Variants in HSPA4 observed in about 807,000 individuals in gnomAD.
HSPA4 encodes heat shock 70 kDa protein 4.
A neutral mutation model predicts 106.2 loss-of-function variants in HSPA4; 25 were observed. The observed-to-expected ratio is 0.24, with a 90% CI of 0.17 to 0.33. HSPA4 has a LOEUF of 0.33. Among genes scored for constraint, HSPA4 ranks in the 10% least tolerant of loss-of-function variants. The pLI is 1.00. For missense variants in HSPA4, 841 were observed against 996.0 expected (o/e 0.84, Z 2.10); for synonymous variants, 332 against 333.6 (o/e 1.00, Z 0.05).
chr5:133,058,924 T>C (rs995475034), intron 1 of HSPA4, among the ~76,000 whole-genome samples: 24 of 151,972 alleles, frequency 1.6e-4, no homozygotes, highest in African/African-American at 5.5e-4. Context: ...GGCCAGGAGT[T>C]TGAGACCAGC....
chr5:133,072,431 C>T (rs1159947556), intron 4 of HSPA4, among the ~76,000 whole-genome samples: 6 of 114,736 alleles, frequency 5.2e-5, no homozygotes, highest in African/African-American at 2.1e-4. Context: ...CTGAGTTTCG[C>T]TCTTGTTTCC....
intron 1 of HSPA4, chr5:133,052,662 A>C (rs1044533614): frequency 2.9e-6 from 1 of 341,022 alleles, no homozygotes; most frequent in Non-Finnish European, 5.4e-6. Context: ...CAGGCCTAGG[A>C]TGTAAACGGA....
At chr5:133,081,119 C>T (rs898168169) in intron 7 of HSPA4, among the ~76,000 whole-genome samples, 3 of 152,072 alleles carry the variant, frequency 2.0e-5, no homozygotes, top group Non-Finnish European at 4.4e-5. Context: ...ATGATCTTGG[C>T]TTGCTTCAAC....
chr5:133,060,672 TACTG>T (rs1223419458), intron 1 of HSPA4, among the ~76,000 whole-genome samples: 1 of 152,068 alleles, frequency 6.6e-6, no homozygotes, highest in East Asian at 1.9e-4. Flanking sequence ...CTGTTTTACA[TACTG>T]ACCCAATTCA....
chr5:133,058,562 C>T (rs1269396304), intron 1 of HSPA4, among the ~76,000 whole-genome samples: 1 of 151,874 alleles, frequency 6.6e-6, no homozygotes, highest in East Asian at 1.9e-4. Flanking sequence ...CCTGTAATCC[C>T]AGCTGAGGAT....
rs1165052957 is a variant in HSPA4, at chr5:133,076,686, A to G, written c.696A>G (p.Gly232=). 1 of 1,613,518 alleles carries G rather than the reference A, an allele frequency of 6.2e-7. No individual in the cohort carries two copies. The highest frequency in any genetic ancestry group is 1.7e-5 in the Admixed American group (1 of 60,010). Residue 232 remains glycine, a synonymous_variant, in exon 7 of 19, where the codon GGA becomes GGG. Transcript: ENST00000304858. ...CCACTGCATTTGACACGACATTGGG[A>G]GGTAGAAAATTTGATGAAGTGTTAG... ...VLATAFDTTL[G]GRKFDEVLVN... is the part of the protein sequence containing the mutation.
chr5:133,097,268 G>C lies in HSPA4; in HGVS notation c.1911G>C (p.Glu637Asp). The change falls in exon 15 of 19, where the codon GAG (glutamate) becomes GAC (aspartate). Residue 637 changes from glutamate to aspartate, a missense_variant. Around this residue, in one of 5 missense-constraint regions of HSPA4, gnomAD observed 328 missense variants for 372.2 expected, o/e 0.88. Transcript: ENST00000304858. ...GAGACAAGCTTAGTGGTGAATATGA[G>C]AAGTTTGTGAGTGAAGATGTAAGTC... ...EMRDKLSGEY[E>D]KFVSEDDRNS... The C allele has an allele frequency of 6.2e-7, 1 of 1,612,974 alleles. No homozygotes were observed. Among genetic ancestry groups the C allele is most frequent in the Non-Finnish European group, 8.5e-7 (1 of 1,179,222 alleles).
chr5:133,078,635 C>CAAAAA (rs57393822), intron 7 of HSPA4, among the ~76,000 whole-genome samples: 3 of 79,574 alleles, frequency 3.8e-5, no homozygotes, highest in South Asian at 4.9e-4. Context: ...ACACTGTCTC[C>CAAAAA]AAAAAAAAAA....
chr5:133,058,886 C>T (rs532719057), intron 1 of HSPA4, among the ~76,000 whole-genome samples: 35 of 149,694 alleles, frequency 2.3e-4, no homozygotes, highest in Non-Finnish European at 4.8e-4. Flanking sequence ...CCAGCACTTT[C>T]GAAGGCCGAG....
rs1765289709 is a variant in HSPA4 at position 133,064,963 on chromosome 5, C to G, written c.108-17C>G. The G allele has an allele frequency of 6.2e-7, 1 of 1,609,144 alleles. No individual in the cohort carries two copies. On this transcript the variant is annotated splice_polypyrimidine_tract_variant and intron_variant, in intron 1 of 18. Transcript: ENST00000304858. ...TGTAGTAAGATTTAATTCTTAAGTG[C>G]TTTTTTTGTCTTCTAGGGCTTGCAT...
chr5:133,097,286 T>C lies in HSPA4; in HGVS notation c.1929T>C (p.Asp643=). ...AATATGAGAAGTTTGTGAGTGAAGA[T>C]GTAAGTCTGCCACAATATGCCTAAC... ...SGEYEKFVSE[D]DRNSFTLKLE... Residue 643 remains aspartate (D), a splice_region_variant and synonymous_variant, in exon 15 of 19, where the codon GAT becomes GAC. Coordinates refer to ENST00000304858, the MANE Select transcript of HSPA4 (RefSeq NM_002154.4). 1 of 1,612,324 alleles carries C rather than the reference T, an allele frequency of 6.2e-7. No individual in the cohort carries two copies. The highest frequency in any genetic ancestry group is 8.5e-7 in the Non-Finnish European group (1 of 1,178,760).
At chr5:133,097,320 G>A in intron 15 of HSPA4, 34 bp downstream of exon 15, 2 of 1,593,566 alleles carry the variant, frequency 1.3e-6, no homozygotes, top group Non-Finnish European at 1.7e-6. Flanking sequence ...ACTACTGTGT[G>A]TCTTCTGTGA....
chr5:133,092,064 A>G (rs1765654124), intron 12 of HSPA4, among the ~76,000 whole-genome samples: 1 of 152,124 alleles, frequency 6.6e-6, no homozygotes, highest in Admixed American at 6.5e-5. Flanking sequence ...AAACAAAACT[A>G]CAAATGCTTG....
In HSPA4 at chr5:133,104,016, C is replaced by T; in HGVS notation, c.2309C>T (p.Ala770Val). 1 of 1,610,120 alleles carries T rather than the reference C, an allele frequency of 6.2e-7. No homozygotes were observed. Among genetic ancestry groups the T allele is most frequent in the Non-Finnish European group, 8.5e-7 (1 of 1,178,924 alleles). ...DPVVKSKEIE[A>V]KIKELTSTCS... ...GTTGTCAAGTCAAAAGAGATTGAAG[C>T]TAAAATTAAGGTAATTTAAGACTTT... The change falls in exon 18 of 19, where the codon GCT (alanine) becomes GTT (valine). Residue 770 changes from alanine (A) to valine (V), a missense_variant. Ala to Val is a moderately conservative substitution (Grantham distance 64, BLOSUM62 0). Around this residue, in one of 5 missense-constraint regions of HSPA4, gnomAD observed 328 missense variants for 372.2 expected, o/e 0.88. Transcript: ENST00000304858.
intron 1 of HSPA4, among the ~76,000 whole-genome samples, chr5:133,054,353 C>T (rs1265511645): frequency 1.3e-5 from 2 of 152,112 alleles, no homozygotes; most frequent in Admixed American, 6.6e-5. Flanking sequence ...CAGGTGTGCG[C>T]CACCACGCCT....
chr5:133,071,781 C>G (rs750467236), intron 4 of HSPA4, among the ~76,000 whole-genome samples: 16 of 152,174 alleles, frequency 1.1e-4, no homozygotes, highest in African/African-American at 3.9e-4. Flanking sequence ...TGACATTTGT[C>G]AGAAAGAATT....
intron 1 of HSPA4, among the ~76,000 whole-genome samples, chr5:133,057,360 C>CT (rs74273264): frequency 0.074 from 10,263 of 139,458 alleles, 934 homozygotes; most frequent in East Asian, 0.29. Flanking sequence ...TTCTGCGTAC[C>CT]TTTTTTTTTT....
Position 133,067,493 on chromosome 5 carries a change from A to C in HSPA4, c.242A>C (p.Glu81Ala), listed in dbSNP as rs755250529. 6.2e-7 allele frequency: 1 copy of C among 1,613,832 alleles called. No homozygotes were observed. The highest frequency in any genetic ancestry group is 1.1e-5 in the South Asian group (1 of 91,076). ...HGRAFSDPFV[E>A]AEKSNLAYDI... ...CGAGCATTCTCTGATCCATTTGTGG[A>C]GGCAGAAAAATCTAACCTTGCATAT... Residue 81 changes from glutamate (E) to alanine (A), a missense_variant, in exon 3 of 19, where the codon GAG becomes GCG. By Grantham distance (107) the Glu-to-Ala change is moderately radical. This residue lies in a region of HSPA4 where 347 missense variants were observed against 408.7 expected (regional missense o/e 0.85). Coordinates refer to ENST00000304858, the MANE Select transcript of HSPA4 (RefSeq NM_002154.4).
At chr5:133,067,396 C>T in intron 2 of HSPA4, 21 bp from the exon 3 acceptor site, 1 of 1,593,314 alleles carries the variant, frequency 6.3e-7, no homozygotes, top group Non-Finnish European at 8.6e-7. Context: ...TCTTTCCACT[C>T]TTTGATATTC....
Sources: allele counts gnomAD v4.1 joint callset (sites outside exome capture counted in the v4.1 genomes callset), GRCh38; gene constraint gnomAD v4.1.1; regional missense constraint gnomAD v4.1.1; transcripts MANE v1.5; gene names NCBI Gene and HGNC (gene_info 2026-07-23, HGNC 2026-07-21).